Variants in SLFN11 observed in about 807,000 individuals in gnomAD.
SLFN11 encodes schlafen family member 11.
In SLFN11, 43 loss-of-function variants were observed where a neutral mutation model predicts 53.4. The observed-to-expected ratio is 0.80, with a 90% CI of 0.63 to 1.04. The LOEUF (loss-of-function observed/expected upper bound fraction) is 1.04. SLFN11 is among the 50% of genes least tolerant of loss of function. SLFN11 has a pLI of 0.00. For missense variants in SLFN11, 990 were observed against 1,079.1 expected (o/e 0.92, Z 1.16); for synonymous variants, 389 against 394.7 (o/e 0.99, Z 0.17).
intron 4 of SLFN11, among the ~76,000 whole-genome samples, chr17:35,361,289 AG>A (rs1908172563): frequency 1.3e-5 from 2 of 152,234 alleles, no homozygotes; most frequent in Admixed American, 6.5e-5. Flanking sequence ...TTAGGAGCAG[AG>A]GGGTAGAGCA....
intron 4 of SLFN11, 91 bp from the exon 5 acceptor site, chr17:35,360,462 A>G: frequency 8.2e-7 from 1 of 1,216,254 alleles, no homozygotes; most frequent in Non-Finnish European, 1.1e-6. Context: ...GACTTTCTAA[A>G]TAGTTTGACT....
At chr17:35,356,624 T>C (rs1432890903) in intron 5 of SLFN11, among the ~76,000 whole-genome samples, 3 of 152,110 alleles carry the variant, frequency 2.0e-5, no homozygotes, top group Admixed American at 6.6e-5. Context: ...CAATGCACAA[T>C]TCCTTATTCT....
chr17:35,371,976 A>G (rs1048906443), intron 1 of SLFN11, among the ~76,000 whole-genome samples: 1 of 152,136 alleles, frequency 6.6e-6, no homozygotes, highest in Admixed American at 6.5e-5. Context: ...CTAAGTATTG[A>G]CCCAAAAGAA....
intron 3 of SLFN11, among the ~76,000 whole-genome samples, chr17:35,364,286 G>A (rs1908658833): frequency 6.6e-6 from 1 of 152,042 alleles, no homozygotes; most frequent in African/African-American, 2.4e-5. Context: ...CATTGAAAAG[G>A]AGACTTCAGA....
intron 5 of SLFN11, among the ~76,000 whole-genome samples, chr17:35,354,773 T>C (rs1907253135): frequency 6.6e-6 from 1 of 152,122 alleles, no homozygotes; most frequent in Non-Finnish European, 1.5e-5. Context: ...TGATCAAGGG[T>C]TCCAAAGTGG....
rs1382188835 is a variant in SLFN11, at chr17:35,354,871, A to G, written c.1199-812T>C. Among the ~76,000 whole-genome samples the G allele has an allele frequency of 3.9e-5, 6 of 152,014 alleles. 1 individual carries two copies. The highest frequency in any genetic ancestry group is 3.9e-4 in the Admixed American group (6 of 15,268). On this transcript the variant is annotated intron_variant, in intron 5 of 6. Transcript: ENST00000685675. ...ATTTGTAGTGGTAATTTCAAATGAA[A>G]TTACCCAGATTTTATTGGTAATTGT...
rs1491139536 is a variant in SLFN11 at position 35,356,831 on chromosome 17, CAT to C, written c.1199-2774_1199-2773del. Among the ~76,000 whole-genome samples, 390 of 149,936 alleles carry C rather than the reference CAT, an allele frequency of 2.6e-3. 2 individuals carry two copies. The highest frequency in any genetic ancestry group is 4.0e-3 in the Non-Finnish European group (271 of 67,462). ...ACACACACACACACACACACACACA[CAT>C]AATAAAATCCCAAAGGTTAAATGCA... On this transcript the variant is annotated intron_variant, in intron 5 of 6. Coordinates refer to ENST00000685675, the MANE Select transcript of SLFN11 (RefSeq NM_001376007.1).
chr17:35,353,263 A>C (rs1906986998), intron 6 of SLFN11, 73 bp downstream of exon 6: 12 of 1,607,260 alleles, frequency 7.5e-6, no homozygotes, highest in Non-Finnish European at 9.4e-6. Flanking sequence ...ATTCTCAAGA[A>C]AGACGGTGAC....
At chr17:35,370,799 T>G (rs905314084) in intron 1 of SLFN11, among the ~76,000 whole-genome samples, 2 of 151,876 alleles carry the variant, frequency 1.3e-5, no homozygotes, top group African/African-American at 4.8e-5. Context: ...TATAAAATCA[T>G]GATGAAAGAA....
At position 35,352,539 on chromosome 17, in the gene SLFN11, T is replaced by C. The variant is rs748261086; in HGVS notation, c.2523A>G (p.Ala841=). ...RKKRVVQLSD[A]CDMLGDHIVL... The stretch of plus-strand genomic sequence containing the variant: ...CAATGTGATCACCCAACATATCACA[T>C]GCATCACTGAGCTGCACCACCCTTT... The change falls in exon 7 of 7, where the codon GCA becomes GCG. Residue 841 remains alanine, a synonymous_variant. Transcript: ENST00000685675. 1 of 1,614,178 alleles carries C rather than the reference T, an allele frequency of 6.2e-7. No homozygotes were observed. The highest frequency in any genetic ancestry group is 1.1e-5 in the South Asian group (1 of 91,080).
chr17:35,357,132 T>C (rs1172507024), intron 5 of SLFN11, among the ~76,000 whole-genome samples: 2 of 133,046 alleles, frequency 1.5e-5, no homozygotes, highest in Non-Finnish European at 1.6e-5. Flanking sequence ...GTGTTGATTT[T>C]TCTGTGCGTG....
intron 3 of SLFN11, among the ~76,000 whole-genome samples, chr17:35,366,117 G>A (rs917889571): frequency 1.3e-5 from 2 of 152,042 alleles, no homozygotes; most frequent in East Asian, 3.8e-4. Flanking sequence ...AAATTAAAAA[G>A]GTAGTCGGGG....
chr17:35,361,029 C>T (rs909840174), intron 4 of SLFN11, among the ~76,000 whole-genome samples: 5 of 152,116 alleles, frequency 3.3e-5, no homozygotes, highest in African/African-American at 1.2e-4. Flanking sequence ...AGTGCATTAA[C>T]TTTTTCATGT....
intron 5 of SLFN11, among the ~76,000 whole-genome samples, chr17:35,355,938 C>A (rs1300431918): frequency 6.6e-6 from 1 of 152,098 alleles, no homozygotes; most frequent in East Asian, 1.9e-4. Context: ...CTAATTTCAC[C>A]ATGGATCTAG....
rs1296811991 is a variant in SLFN11, at chr17:35,352,312, G to C, written c.*44C>G. The C allele has an allele frequency of 1.4e-5, 22 of 1,596,752 alleles. No homozygotes were observed. The highest frequency in any genetic ancestry group is 1.9e-5 in the Non-Finnish European group (22 of 1,167,936). On this transcript the variant is annotated 3_prime_UTR_variant, in exon 7 of 7. Transcript: ENST00000685675. ...GAAAGGTTTCTACCATCAGCAGACT[G>C]TCACCCATAGACATTTACATAGCAT... is the stretch of plus-strand genomic sequence containing the variant.
At chr17:35,370,364 A>G (rs1909496583) in intron 1 of SLFN11, among the ~76,000 whole-genome samples, 1 of 152,170 alleles carries the variant, frequency 6.6e-6, no homozygotes, top group South Asian at 2.1e-4. Context: ...ACAGACCTAC[A>G]GCTAGTAGCA....
chr17:35,352,114 T>G lies in SLFN11; in HGVS notation c.*242A>C. ...TCGGCATTGTGCAGGACAGCTAAAG[T>G]TCCTTTAGAAAACCACCATCTTTCT... On this transcript the variant is annotated 3_prime_UTR_variant, in exon 7 of 7. Transcript: ENST00000685675. 1.7e-6 allele frequency: 1 copy of G among 576,246 alleles called. No individual in the cohort carries two copies. Among genetic ancestry groups the G allele is most frequent in the Non-Finnish European group, 3.1e-6 (1 of 325,830 alleles). 35.7% of individuals were successfully genotyped at this position (576,246 alleles called of 1,614,324 possible).
intron 3 of SLFN11, 92 bp from the exon 4 acceptor site, chr17:35,363,918 G>A (rs1005462942): frequency 9.9e-7 from 1 of 1,008,956 alleles, no homozygotes; most frequent in Non-Finnish European, 1.4e-6. Flanking sequence ...GAAGACAATA[G>A]ACTAGCAAGC....
intron 5 of SLFN11, among the ~76,000 whole-genome samples, chr17:35,357,930 AATATATATT>A (rs911818502): frequency 5.5e-4 from 81 of 146,326 alleles, no homozygotes; most frequent in African/African-American, 2.0e-3. Flanking sequence ...ATCTATAAAT[AATATATATT>A]ATTTATAGAT....
Sources: allele counts gnomAD v4.1 joint callset (sites outside exome capture counted in the v4.1 genomes callset), GRCh38; gene constraint gnomAD v4.1.1; transcripts MANE v1.5; gene names NCBI Gene and HGNC (gene_info 2026-07-23, HGNC 2026-07-21).